TANGO6: variants seen among roughly 807,000 people sequenced by gnomAD.
The protein encoded by TANGO6 is transport and Golgi organization protein 6 homolog.
A neutral mutation model predicts 114.2 loss-of-function variants in TANGO6; 90 were observed. That is an observed-to-expected ratio of 0.79 (90% CI 0.66 to 0.94). The LOEUF (loss-of-function observed/expected upper bound fraction) is 0.94, where lower values mean the gene tolerates loss of function less well. Among genes scored for constraint, TANGO6 ranks in the 40% least tolerant of loss-of-function variants. TANGO6 has a pLI of 0.00. For synonymous variants in TANGO6, 477 were observed against 509.8 expected (o/e 0.94, Z 0.87); for missense variants, 1,274 against 1,315.3 (o/e 0.97, Z 0.49).
chr16:68,963,382 G>T (rs1369972754), intron 14 of TANGO6, among the ~76,000 whole-genome samples: 1 of 152,140 alleles, frequency 6.6e-6, no homozygotes, highest in Non-Finnish European at 1.5e-5. Context: ...CTCCCAAAGT[G>T]CTGGGATTAC....
At chr16:69,005,375 G>A (rs897906349) in intron 15 of TANGO6, among the ~76,000 whole-genome samples, 1 of 152,236 alleles carries the variant, frequency 6.6e-6, no homozygotes, top group Non-Finnish European at 1.5e-5. Flanking sequence ...GGCCTTCCAG[G>A]TGTGCTCCCA....
At chr16:69,022,105 C>A (rs944752936) in intron 15 of TANGO6, among the ~76,000 whole-genome samples, 2 of 151,846 alleles carry the variant, frequency 1.3e-5, no homozygotes, top group African/African-American at 4.8e-5. Flanking sequence ...CCAGGATGGT[C>A]TAGATCTCCT....
At chr16:68,977,843 G>A (rs953850823) in intron 15 of TANGO6, among the ~76,000 whole-genome samples, 2 of 151,246 alleles carry the variant, frequency 1.3e-5, no homozygotes, top group African/African-American at 2.4e-5. Flanking sequence ...ACACCACCAC[G>A]CCCGGCTAAT....
At chr16:68,914,444 G>GACCC (rs1267918667) in intron 11 of TANGO6, among the ~76,000 whole-genome samples, 1 of 152,184 alleles carries the variant, frequency 6.6e-6, no homozygotes, top group Non-Finnish European at 1.5e-5. Context: ...TTACAGGCAT[G>GACCC]ACCCACCGCG....
chr16:69,007,257 CTT>C (rs1487279394), intron 15 of TANGO6: 2 of 133,642 alleles, frequency 1.5e-5, no homozygotes, highest in Non-Finnish European at 3.3e-5. Flanking sequence ...ATTTTTTTTT[CTT>C]TTTTCTTTTC....
At chr16:68,981,364 C>T (rs1193196034) in intron 15 of TANGO6, among the ~76,000 whole-genome samples, 3 of 151,804 alleles carry the variant, frequency 2.0e-5, no homozygotes, top group Non-Finnish European at 2.9e-5. Context: ...GCATGCACCA[C>T]GACACCTGGC....
intron 7 of TANGO6, among the ~76,000 whole-genome samples, chr16:68,894,489 T>C (rs897116721): frequency 6.6e-6 from 1 of 151,922 alleles, no homozygotes; most frequent in Non-Finnish European, 1.5e-5. Context: ...GGGGAGGTGT[T>C]ACAGAAGCCG....
At chr16:68,925,111 G>C (rs1463755319) in intron 12 of TANGO6, among the ~76,000 whole-genome samples, 1 of 152,094 alleles carries the variant, frequency 6.6e-6, no homozygotes, top group Non-Finnish European at 1.5e-5. Context: ...AGGAGTTTGA[G>C]GCCAGCCCCG....
intron 7 of TANGO6, among the ~76,000 whole-genome samples, chr16:68,883,971 A>T (rs1415730485): frequency 1.3e-5 from 2 of 151,860 alleles, no homozygotes. Flanking sequence ...GTGCAGTGAG[A>T]TGACCTTGGC....
intron 14 of TANGO6, among the ~76,000 whole-genome samples, chr16:68,958,505 AAG>A (rs547265799): frequency 4.1e-5 from 6 of 146,176 alleles, no homozygotes; most frequent in African/African-American, 7.8e-5. Context: ...AAAAAAAAAA[AAG>A]AGAGAGGAAG....
chr16:69,006,221 G>A (rs1017622600), intron 15 of TANGO6, among the ~76,000 whole-genome samples: 1 of 152,086 alleles, frequency 6.6e-6, no homozygotes, highest in Admixed American at 6.5e-5. Context: ...TCTGTTTGAG[G>A]GGAGCAAGGA....
intron 15 of TANGO6, among the ~76,000 whole-genome samples, chr16:68,993,459 A>G (rs1339482897): frequency 6.6e-6 from 1 of 152,230 alleles, no homozygotes; most frequent in Non-Finnish European, 1.5e-5. Flanking sequence ...ATTTTGACTT[A>G]CGGACTTGCA....
intron 4 of TANGO6, among the ~76,000 whole-genome samples, chr16:68,873,206 C>T (rs549280240): frequency 9.7e-4 from 147 of 152,188 alleles, no homozygotes; most frequent in Non-Finnish European, 1.9e-3. Flanking sequence ...TACTTCACCT[C>T]CTGGTCTCTT....
intron 17 of TANGO6, among the ~76,000 whole-genome samples, chr16:69,041,044 G>A (rs1959765320): frequency 6.6e-6 from 1 of 152,010 alleles, no homozygotes; most frequent in African/African-American, 2.4e-5. Flanking sequence ...ATTCCCAGTT[G>A]ACTTCCTATG....
chr16:68,985,909 A>G (rs1963884749), intron 15 of TANGO6, among the ~76,000 whole-genome samples: 1 of 151,994 alleles, frequency 6.6e-6, no homozygotes, highest in Non-Finnish European at 1.5e-5. Context: ...GGTATAAACT[A>G]AATGTTTAAC....
chr16:68,858,224 C>T (rs577518651), intron 1 of TANGO6, among the ~76,000 whole-genome samples: 47 of 152,106 alleles, frequency 3.1e-4, no homozygotes, highest in African/African-American at 1.0e-3. Context: ...CCACCATGCC[C>T]GATTAATTTT....
At chr16:68,856,081 A>C (rs1038108574) in intron 1 of TANGO6, among the ~76,000 whole-genome samples, 1 of 152,146 alleles carries the variant, frequency 6.6e-6, no homozygotes, top group Non-Finnish European at 1.5e-5. Flanking sequence ...GAATATAAAC[A>C]ATTTTGCTTC....
At chr16:68,910,334 T>G (rs1474001930) in intron 11 of TANGO6, among the ~76,000 whole-genome samples, 1 of 152,220 alleles carries the variant, frequency 6.6e-6, no homozygotes, top group East Asian at 1.9e-4. Context: ...TGGCCTCTTA[T>G]TCTTTCAGTT....
chr16:68,917,205 T>G (rs141274655), intron 11 of TANGO6, among the ~76,000 whole-genome samples: 205 of 152,300 alleles, frequency 1.3e-3, no homozygotes, highest in African/African-American at 4.6e-3. Flanking sequence ...GTAATATGCA[T>G]TCGAGTTTCC....
Sources: allele counts gnomAD v4.1 joint callset (sites outside exome capture counted in the v4.1 genomes callset), GRCh38; gene constraint gnomAD v4.1.1; transcripts MANE v1.5; gene names NCBI Gene and HGNC (gene_info 2026-07-23, HGNC 2026-07-21).